Variants in VAV3 observed in about 807,000 individuals in gnomAD.
VAV3 encodes the protein guanine nucleotide exchange factor VAV3.
Under a neutral mutation model 131.2 loss-of-function variants are expected in VAV3, and 94 were observed. That is an observed-to-expected ratio of 0.72 (90% confidence interval 0.61 to 0.85). The LOEUF is 0.85. Ranked by LOEUF, VAV3 falls within the 40% of genes least tolerant of loss-of-function variation. The pLI is 0.00. For synonymous variants in VAV3, 349 were observed against 342.0 expected (o/e 1.02, Z -0.22); for missense variants, 939 against 1,002.7 (o/e 0.94, Z 0.86).
At chr1:107,706,998 A>G (rs768276306) in intron 15 of VAV3, among the ~76,000 whole-genome samples, 41 of 152,308 alleles carry the variant, frequency 2.7e-4, no homozygotes, top group Non-Finnish European at 5.6e-4. Context: ...TTCATGAACT[A>G]AGAATAAGCT....
chr1:107,825,219 T>C (rs1667959887), intron 2 of VAV3, among the ~76,000 whole-genome samples: 1 of 152,176 alleles, frequency 6.6e-6, no homozygotes, highest in Non-Finnish European at 1.5e-5. Context: ...ATCTAGATTA[T>C]ATGCAAACAG....
At chr1:107,820,230 GAATA>G (rs1667739543) in intron 2 of VAV3, among the ~76,000 whole-genome samples, 1 of 152,058 alleles carries the variant, frequency 6.6e-6, no homozygotes, top group Non-Finnish European at 1.5e-5. Flanking sequence ...GCAGATGAAT[GAATA>G]AAGAAAAATG....
intron 25 of VAV3, among the ~76,000 whole-genome samples, chr1:107,580,748 A>C (rs1649982818): frequency 1.3e-5 from 2 of 152,234 alleles, no homozygotes; most frequent in Non-Finnish European, 2.9e-5. Flanking sequence ...TTTCTCCAGG[A>C]AAGTATGGAT....
chr1:107,614,274 C>T (rs933269861), intron 21 of VAV3, among the ~76,000 whole-genome samples: 1 of 151,950 alleles, frequency 6.6e-6, no homozygotes, highest in Non-Finnish European at 1.5e-5. Flanking sequence ...TTCTACCTGC[C>T]TATATCAGAA....
chr1:107,768,308 C>A, intron 7 of VAV3, 133 bp downstream of exon 7: 1 of 642,250 alleles, frequency 1.6e-6, no homozygotes, highest in Non-Finnish European at 2.4e-6. Context: ...ACTGGAAAAG[C>A]AAAAAATAAA....
intron 17 of VAV3, among the ~76,000 whole-genome samples, chr1:107,701,063 T>G (rs996791194): frequency 4.1e-4 from 13 of 31,864 alleles, no homozygotes; most frequent in African/African-American, 8.6e-4. Flanking sequence ...CATGTTGAGC[T>G]TTTTTTTTCA....
At chr1:107,654,545 A>G (rs923982723) in intron 19 of VAV3, among the ~76,000 whole-genome samples, 3 of 151,956 alleles carry the variant, frequency 2.0e-5, no homozygotes, top group African/African-American at 7.2e-5. Context: ...TTGTCCTTTG[A>G]TACTTCAATA....
chr1:107,752,746 T>A (rs959121065), intron 12 of VAV3, among the ~76,000 whole-genome samples: 3 of 152,152 alleles, frequency 2.0e-5, no homozygotes, highest in Admixed American at 2.0e-4. Context: ...AAACCCACGA[T>A]GAGATATTGC....
intron 1 of VAV3, among the ~76,000 whole-genome samples, chr1:107,943,414 C>T (rs1407866075): frequency 3.3e-5 from 5 of 152,050 alleles, no homozygotes; most frequent in African/African-American, 1.2e-4. Context: ...TGTGGTGAAG[C>T]CAATTTATCA....
chr1:107,946,757 G>A (rs1159253822), intron 1 of VAV3, among the ~76,000 whole-genome samples: 1 of 152,150 alleles, frequency 6.6e-6, no homozygotes, highest in Non-Finnish European at 1.5e-5. Context: ...TGACCTTGAA[G>A]AAATTGCTCA....
chr1:107,644,434 C>T (rs183275919), intron 19 of VAV3, among the ~76,000 whole-genome samples: 4 of 152,148 alleles, frequency 2.6e-5, no homozygotes, highest in Non-Finnish European at 4.4e-5. Context: ...TTGGTAGACT[C>T]CCTGGGTAAT....
At chr1:107,701,390 G>A (rs1274465917) in intron 17 of VAV3, among the ~76,000 whole-genome samples, 1 of 152,108 alleles carries the variant, frequency 6.6e-6, no homozygotes, top group Non-Finnish European at 1.5e-5. Context: ...GAGCAGCTGG[G>A]AACACAGGGC....
intron 1 of VAV3, among the ~76,000 whole-genome samples, chr1:107,935,871 G>T (rs1673685966): frequency 6.6e-6 from 1 of 152,178 alleles, no homozygotes; most frequent in Non-Finnish European, 1.5e-5. Context: ...TATATCAGGT[G>T]ATGGTCTAAT....
At chr1:107,834,382 A>C (rs534274779) in intron 2 of VAV3, among the ~76,000 whole-genome samples, 5 of 152,162 alleles carry the variant, frequency 3.3e-5, no homozygotes, top group Admixed American at 3.3e-4. Flanking sequence ...GCAGTGCTCT[A>C]AGGCAGGAAT....
chr1:107,887,912 T>C (rs1671114108), intron 1 of VAV3, among the ~76,000 whole-genome samples: 2 of 152,218 alleles, frequency 1.3e-5, no homozygotes, highest in South Asian at 4.1e-4. Context: ...AAGTAGGAAA[T>C]ATGCATCATT....
intron 1 of VAV3, among the ~76,000 whole-genome samples, chr1:107,964,225 G>A (rs1675296270): frequency 6.6e-6 from 1 of 152,146 alleles, no homozygotes; most frequent in Non-Finnish European, 1.5e-5. Flanking sequence ...TGTATGTCAT[G>A]GTTCCTCTTT....
At position 107,795,908 on chromosome 1, in the gene VAV3, T is replaced by C. The variant is rs1570965858; in HGVS notation, c.322-16416A>G. On this transcript the variant is annotated intron_variant, in intron 2 of 26. Transcript: ENST00000370056. Reference sequence around the variant, plus strand: ...GTAATGGACCGAAAGATATCCCCCATCCAATTCCTGATTCCCATACTGATC... The same window carrying C: ...GTAATGGACCGAAAGATATCCCCCACCCAATTCCTGATTCCCATACTGATC... Among the ~76,000 whole-genome samples, 3 of 152,252 alleles carry C rather than the reference T, an allele frequency of 2.0e-5. No individual in the cohort carries two copies. The East Asian group carries it at 5.8e-4, about 29-fold the overall frequency.
intron 3 of VAV3, among the ~76,000 whole-genome samples, chr1:107,779,166 G>GT (rs909425744): frequency 2.9e-5 from 4 of 138,204 alleles, no homozygotes; most frequent in South Asian, 4.6e-4. Context: ...TTGGAGGAAA[G>GT]TTAAAAAAAA....
intron 15 of VAV3, among the ~76,000 whole-genome samples, chr1:107,716,024 G>C (rs1661071625): frequency 6.6e-6 from 1 of 152,158 alleles, no homozygotes; most frequent in Non-Finnish European, 1.5e-5. Flanking sequence ...AAGGTAATCT[G>C]ACAAGCTTTG....
Sources: allele counts gnomAD v4.1 joint callset (sites outside exome capture counted in the v4.1 genomes callset), GRCh38; gene constraint gnomAD v4.1.1; transcripts MANE v1.5; gene names NCBI Gene and HGNC (gene_info 2026-07-23, HGNC 2026-07-21).